Variants in NID1 observed in about 807,000 individuals in gnomAD.
NID1 encodes the protein nidogen 1.
In NID1, 76 loss-of-function variants were observed where a neutral mutation model predicts 130.6. That is an observed-to-expected ratio of 0.58 (90% CI 0.48 to 0.70). The LOEUF is 0.70. NID1 is among the 30% of genes least tolerant of loss of function. The pLI is 0.00. For synonymous variants in NID1, 665 were observed against 675.1 expected, an observed-to-expected ratio of 0.98 and a Z score of 0.23; for missense variants, 1,517 against 1,664.8, an observed-to-expected ratio of 0.91 and a Z score of 1.54.
chr1:236,021,768 C>T (rs10737895), intron 9 of NID1, among the ~76,000 whole-genome samples: 91,118 of 152,096 alleles, frequency 0.6, 28,391 homozygotes, highest in East Asian at 0.76. Context: ...CAGACTTAAA[C>T]AGCACTGCTC....
At chr1:236,012,734 T>A (rs1658469287) in intron 11 of NID1, among the ~76,000 whole-genome samples, 1 of 152,112 alleles carries the variant, frequency 6.6e-6, no homozygotes, top group Admixed American at 6.6e-5. Flanking sequence ...AAACCCTCAG[T>A]GAAAAGAAAA....
intron 1 of NID1, chr1:236,060,871 G>A (rs1397288604): frequency 6.6e-6 from 1 of 152,022 alleles, no homozygotes; most frequent in African/African-American, 2.4e-5. Flanking sequence ...TGGGGTGTGA[G>A]ACCCCCAATC....
At chr1:236,050,794 C>A (rs1659744175) in intron 1 of NID1, among the ~76,000 whole-genome samples, 1 of 152,132 alleles carries the variant, frequency 6.6e-6, no homozygotes, top group South Asian at 2.1e-4. Flanking sequence ...AAAAAATCCC[C>A]TAGCTGGGTG....
rs562645509 is a variant in NID1 at position 236,013,571 on chromosome 1, A to G, written c.2255-11T>C. On this transcript the variant is annotated splice_polypyrimidine_tract_variant and intron_variant, in intron 10 of 19. Coordinates refer to ENST00000264187, the MANE Select transcript of NID1 (RefSeq NM_002508.3). The stretch of plus-strand genomic sequence containing the variant: ...GCTGGTCCACGACAGCTTCAGAACA[A>G]AAGGTTGATGCACAGTCTTAGGAAG... The G allele has an allele frequency of 5.0e-6, 8 of 1,614,150 alleles. No homozygotes were observed. The East Asian group carries it at 6.7e-5, about 13-fold the overall frequency.
chr1:235,991,103 G>A, intron 13 of NID1, 45 bp from the exon 14 acceptor site: 1 of 1,484,880 alleles, frequency 6.7e-7, no homozygotes, highest in Non-Finnish European at 9.0e-7. Flanking sequence ...TGTGCACCAG[G>A]AACACACAGA....
At chr1:236,055,197 G>A (rs1183928970) in intron 1 of NID1, among the ~76,000 whole-genome samples, 2 of 151,850 alleles carry the variant, frequency 1.3e-5, no homozygotes, top group African/African-American at 2.4e-5. Flanking sequence ...CCAGCTACTC[G>A]GGAGGCTGAG....
intron 10 of NID1, among the ~76,000 whole-genome samples, chr1:236,014,106 A>G (rs911745127): frequency 6.6e-6 from 1 of 152,168 alleles, no homozygotes; most frequent in Non-Finnish European, 1.5e-5. Flanking sequence ...GGAGACAGCT[A>G]TGGTTGGAAG....
chr1:236,063,488 A>AT (rs1660102739), intron 1 of NID1, among the ~76,000 whole-genome samples: 2 of 145,908 alleles, frequency 1.4e-5, no homozygotes, highest in Middle Eastern at 3.4e-3. Flanking sequence ...AAAAATAAAT[A>AT]AATAAATAAA....
At position 235,976,373 on chromosome 1, in the gene NID1, T is replaced by C. The variant is rs541958511; in HGVS notation, c.*1494A>G. 1 of 152,318 alleles carries C rather than the reference T, an allele frequency of 6.6e-6. No individual in the cohort carries two copies. The highest frequency in any genetic ancestry group is 2.4e-5 in the African/African-American group (1 of 41,584). 9.4% of individuals were successfully genotyped at this position (152,318 alleles called of 1,614,324 possible). On this transcript the variant is annotated 3_prime_UTR_variant, in exon 20 of 20. Transcript: ENST00000264187. ...CAAGTATAAGTGGTCTTTGGCAAAA[T>C]GTACCATTTTCTTTTTGGAGTTACT...
In NID1 at chr1:235,981,729, A is replaced by G. The variant is rs753413916; in HGVS notation, c.3109T>C (p.Trp1037Arg). 1.2e-6 allele frequency: 2 copies of G among 1,614,172 alleles called. No homozygotes were observed. The highest frequency in any genetic ancestry group is 8.5e-7 in the Non-Finnish European group (1 of 1,179,998). ...ATTCGATCCAGGTTAGAGTCTGTCC[A>G]GAAGATGTTGCGGCCAAGGTGATCA... ...AVDHLGRNIF[W>R]TDSNLDRIEV... The change falls in exon 16 of 20, where the codon TGG (tryptophan) becomes CGG (arginine). Residue 1037 changes from tryptophan to arginine, a missense_variant. Physicochemically the swap from Trp to Arg is moderately radical, Grantham distance 101. Around this residue, in one of 3 missense-constraint regions of NID1, gnomAD observed 1,329 missense variants for 1,429.2 expected, o/e 0.93. Coordinates refer to ENST00000264187, the MANE Select transcript of NID1 (RefSeq NM_002508.3).
At position 236,017,133 on chromosome 1, in the gene NID1, A is replaced by G. The variant is rs371064764; in HGVS notation, c.2254+15T>C. ...CATGTGAATACTGTTTCGAAAAGTT[A>G]CCTGGAGAACTTACCCACACACGTT... On this transcript the variant is annotated intron_variant, in intron 10 of 19. Coordinates refer to ENST00000264187, the MANE Select transcript of NID1 (RefSeq NM_002508.3). 6 of 1,613,920 alleles carry G rather than the reference A, an allele frequency of 3.7e-6. No homozygotes were observed. Among genetic ancestry groups the G allele is most frequent in the Non-Finnish European group, 5.1e-6 (6 of 1,179,954 alleles).
In NID1 at chr1:236,038,262, A is replaced by G; in HGVS notation, c.1136-9T>C. 6.2e-7 allele frequency: 1 copy of G among 1,611,700 alleles called. No homozygotes were observed. The highest frequency in any genetic ancestry group is 1.1e-5 in the South Asian group (1 of 90,906). ...CGTGTTATAGCTGAAAACTGGTCCA[A>G]GAAAACAATTGCACACCTGTAAGCA... On this transcript the variant is annotated splice_polypyrimidine_tract_variant and intron_variant, in intron 4 of 19. Coordinates refer to ENST00000264187, the MANE Select transcript of NID1 (RefSeq NM_002508.3).
chr1:236,038,899 T>C (rs1404310599), intron 4 of NID1, among the ~76,000 whole-genome samples: 2 of 141,538 alleles, frequency 1.4e-5, no homozygotes, highest in Non-Finnish European at 3.0e-5. Flanking sequence ...ATATAGGTCA[T>C]ATATAACATA....
At chr1:236,059,397 A>G (rs1473290432) in intron 1 of NID1, among the ~76,000 whole-genome samples, 2 of 152,264 alleles carry the variant, frequency 1.3e-5, no homozygotes, top group Non-Finnish European at 2.9e-5. Flanking sequence ...CCTAGAGCCC[A>G]CAAGTGGACC....
At chr1:236,034,414 C>G (rs941883528) in intron 5 of NID1, among the ~76,000 whole-genome samples, 5 of 123,480 alleles carry the variant, frequency 4.0e-5, no homozygotes, top group African/African-American at 1.9e-4. Context: ...AAGAGCGAAA[C>G]TCCATCTCAA....
chr1:236,043,536 C>A (rs1439364342), intron 3 of NID1, among the ~76,000 whole-genome samples: 1 of 152,028 alleles, frequency 6.6e-6, no homozygotes, highest in Non-Finnish European at 1.5e-5. Context: ...CGGTGGCTCA[C>A]ACCTGTAATC....
At chr1:236,009,111 G>A (rs775656034) in intron 12 of NID1, among the ~76,000 whole-genome samples, 1 of 152,178 alleles carries the variant, frequency 6.6e-6, no homozygotes, top group Non-Finnish European at 1.5e-5. Context: ...CCAAATCCAC[G>A]TACTGAAATC....
In NID1 at chr1:236,026,007, G is replaced by C; in HGVS notation, c.1873C>G (p.Pro625Ala). The change falls in exon 8 of 20, where the codon CCA becomes GCA. Residue 625 changes from proline (P) to alanine (A), a missense_variant. Pro to Ala is a conservative substitution (Grantham distance 27). Around this residue, in one of 3 missense-constraint regions of NID1, gnomAD observed 1,329 missense variants for 1,429.2 expected, o/e 0.93. Transcript: ENST00000264187. Reference protein sequence around the residue: ...FQECVHDDSRPALPSTQQLSV... With the variant: ...FQECVHDDSRAALPSTQQLSV... The stretch of plus-strand genomic sequence containing the variant: ...AGCTGCTGGGTGCTGGGCAGGGCTG[G>C]CCGGGAGTCATCGTGGACGCATTCC... 6.2e-7 allele frequency: 1 copy of C among 1,613,674 alleles called. No individual in the cohort carries two copies. Among genetic ancestry groups the C allele is most frequent in the African/African-American group, 1.3e-5 (1 of 74,924 alleles).
chr1:235,989,662 G>A (rs1039625603), intron 14 of NID1, among the ~76,000 whole-genome samples: 3 of 152,194 alleles, frequency 2.0e-5, no homozygotes, highest in South Asian at 2.1e-4. Flanking sequence ...TGCCAAGAGC[G>A]CTGATGAAAT....
Sources: gnomAD v4.1 joint callset for allele counts (sites outside exome capture counted in the v4.1 genomes callset) on GRCh38, gnomAD v4.1.1 for gene constraint, gnomAD v4.1.1 regional missense constraint, MANE v1.5 for transcripts, NCBI Gene and HGNC (gene_info 2026-07-23, HGNC 2026-07-21) for gene names.